Variants in L3MBTL4 observed in about 807,000 individuals in gnomAD.
L3MBTL4 encodes lethal(3)malignant brain tumor-like protein 4.
L3MBTL4 carries 70 observed loss-of-function variants against 84.5 expected under a neutral mutation model. The ratio of observed to expected loss-of-function variants is 0.83; its 90% CI spans 0.68 to 1.01. The LOEUF (loss-of-function observed/expected upper bound fraction) is 1.01. L3MBTL4 is among the 50% of genes least tolerant of loss of function. The pLI is 0.00. For synonymous variants in L3MBTL4, 274 were observed against 259.8 expected (o/e 1.05, Z -0.52); for missense variants, 715 against 754.8 (o/e 0.95, Z 0.62).
In L3MBTL4 at chr18:6,241,450, C is replaced by A; in HGVS notation, c.461-1G>T. ...CAAACAAATTTATCTTTTCTATAAC[C>A]TAAAAAAAGCACAGATTACTCAAAA... On this transcript the variant is annotated splice_acceptor_variant, in intron 7 of 18. Transcript: ENST00000317931. LOFTEE classifies it high-confidence loss of function. 6.6e-7 allele frequency: 1 copy of A among 1,524,790 alleles called. No individual in the cohort carries two copies. Among genetic ancestry groups the A allele is most frequent in the Non-Finnish European group, 9.0e-7 (1 of 1,109,822 alleles). 94.5% of individuals were successfully genotyped at this position (1,524,790 alleles called of 1,614,324 possible).
chr18:6,231,614 A>C (rs563492655), intron 10 of L3MBTL4, among the ~76,000 whole-genome samples: 12 of 152,224 alleles, frequency 7.9e-5, no homozygotes, highest in African/African-American at 2.9e-4. Context: ...CAGTGTACAA[A>C]TCTTTTACTT....
At chr18:6,151,402 T>C (rs1246118900) in intron 13 of L3MBTL4, among the ~76,000 whole-genome samples, 3 of 152,106 alleles carry the variant, frequency 2.0e-5, no homozygotes, top group Non-Finnish European at 2.9e-5. Flanking sequence ...TTCATATATA[T>C]ATATTTGAGA....
intron 1 of L3MBTL4, among the ~76,000 whole-genome samples, chr18:6,336,359 C>A (rs2052337775): frequency 1.3e-5 from 2 of 151,998 alleles, no homozygotes; most frequent in African/African-American, 2.4e-5. Flanking sequence ...TCTTCGGAGG[C>A]CAGAGGATCG....
At chr18:6,164,348 G>A (rs199792592) in intron 13 of L3MBTL4, among the ~76,000 whole-genome samples, 26 of 152,232 alleles carry the variant, frequency 1.7e-4, no homozygotes, top group Admixed American at 4.6e-4. Context: ...CTCCCAGCAC[G>A]CAGCTTGAGA....
At chr18:6,186,901 A>C (rs1305707039) in intron 12 of L3MBTL4, among the ~76,000 whole-genome samples, 1 of 152,158 alleles carries the variant, frequency 6.6e-6, no homozygotes, top group African/African-American at 2.4e-5. Context: ...CAAGCAATCG[A>C]GAGGGCTACA....
rs570252370 is a variant in L3MBTL4 at position 6,106,920 on chromosome 18, C to A, written c.1200-13392G>T. 2.6e-5 allele frequency among the ~76,000 whole-genome samples: 4 copies of A among 152,286 alleles called. No homozygotes were observed. The East Asian group carries it at 7.7e-4, about 29-fold the overall frequency. ...TGCCCCAAATATGGCAAGGGTCCCACCTCAAGGGGCTTTGACCTGGGGACT... is the reference window on the plus strand; with the variant it reads ...TGCCCCAAATATGGCAAGGGTCCCAACTCAAGGGGCTTTGACCTGGGGACT... On this transcript the variant is annotated intron_variant, in intron 14 of 18. Coordinates refer to ENST00000317931, the MANE Select transcript of L3MBTL4 (RefSeq NM_001330559.2).
Position 6,088,830 on chromosome 18 carries a change from TA to T in L3MBTL4, c.1373+4524del, listed in dbSNP as rs555174078. Among the ~76,000 whole-genome samples the T allele has an allele frequency of 9.8e-5, 15 of 152,290 alleles. No homozygotes were observed. In the East Asian group the frequency reaches 2.7e-3, roughly 27 times the overall value. On this transcript the variant is annotated intron_variant, in intron 15 of 18. Coordinates refer to ENST00000317931, the MANE Select transcript of L3MBTL4 (RefSeq NM_001330559.2). ...TTTATCACCAAGATCATTAAGGAACTATTCCACTACATGCCATCCTTTCTGA... is the reference window on the plus strand; with the variant it reads ...TTTATCACCAAGATCATTAAGGAACTTTCCACTACATGCCATCCTTTCTGA...
intron 1 of L3MBTL4, among the ~76,000 whole-genome samples, chr18:6,390,709 C>T (rs928791715): frequency 6.6e-6 from 1 of 152,070 alleles, no homozygotes; most frequent in Non-Finnish European, 1.5e-5. Flanking sequence ...CCTCTATGCA[C>T]ACAAACTAGA....
intron 13 of L3MBTL4, among the ~76,000 whole-genome samples, chr18:6,167,501 T>C (rs2043734323): frequency 6.6e-6 from 1 of 152,214 alleles, no homozygotes; most frequent in South Asian, 2.1e-4. Context: ...GCTTCATCCC[T>C]GGGATGCAAG....
chr18:6,035,227 C>G (rs1167708028), intron 16 of L3MBTL4, among the ~76,000 whole-genome samples: 1 of 151,296 alleles, frequency 6.6e-6, no homozygotes, highest in Non-Finnish European at 1.5e-5. Flanking sequence ...CTTGCCCATG[C>G]CTATGTCCTG....
chr18:6,329,876 C>T lies in L3MBTL4; in HGVS notation c.-90-17820G>A, dbSNP rs140681796. On this transcript the variant is annotated intron_variant, in intron 1 of 18. Transcript: ENST00000317931. ...TGCCATATTAGGGATTAAGTTTCGACAGGAGTTTTGGAGGGGACAAACATT... is the reference window on the plus strand; with the variant it reads ...TGCCATATTAGGGATTAAGTTTCGATAGGAGTTTTGGAGGGGACAAACATT... 2.6e-3 allele frequency among the ~76,000 whole-genome samples: 392 copies of T among 152,302 alleles called. 1 individual carries two copies. Among genetic ancestry groups the T allele is most frequent in the Non-Finnish European group, 2.7e-3 (183 of 68,036 alleles).
At chr18:6,191,214 A>C (rs2045067222) in intron 12 of L3MBTL4, among the ~76,000 whole-genome samples, 1 of 152,166 alleles carries the variant, frequency 6.6e-6, no homozygotes, top group Non-Finnish European at 1.5e-5. Context: ...CTGGAGTGGA[A>C]GCTAGAAGAG....
chr18:6,064,619 C>T (rs2057342955), intron 16 of L3MBTL4, among the ~76,000 whole-genome samples: 1 of 142,908 alleles, frequency 7.0e-6, no homozygotes, highest in South Asian at 2.2e-4. Flanking sequence ...TTTTCAGCAG[C>T]AGTTGAAAAG....
chr18:6,256,051 A>G (rs919531156), intron 5 of L3MBTL4, among the ~76,000 whole-genome samples: 7 of 152,240 alleles, frequency 4.6e-5, no homozygotes, highest in Non-Finnish European at 8.8e-5. Context: ...AACACTTGGT[A>G]TCTGACTAAA....
In L3MBTL4 at chr18:6,138,982, G is replaced by C. The variant is rs561396759; in HGVS notation, c.1097-686C>G. ...TGAAGCCTCCACTCAACCACAGCAA[G>C]GATCTTAGAATACTGGACAGAAACT... On this transcript the variant is annotated intron_variant, in intron 13 of 18. Transcript: ENST00000317931. Among the ~76,000 whole-genome samples the C allele has an allele frequency of 1.1e-3, 160 of 152,288 alleles. 1 individual carries two copies. In the South Asian group the frequency reaches 0.012, roughly 12 times the overall value.
At chr18:6,364,916 C>T (rs1173082090) in intron 1 of L3MBTL4, among the ~76,000 whole-genome samples, 1 of 151,480 alleles carries the variant, frequency 6.6e-6, no homozygotes, top group East Asian at 1.9e-4. Context: ...ACTTCCATAC[C>T]AATAGAAAAA....
At chr18:6,267,747 C>A (rs754391693) in intron 4 of L3MBTL4, among the ~76,000 whole-genome samples, 19 of 152,154 alleles carry the variant, frequency 1.2e-4, no homozygotes, top group Non-Finnish European at 1.9e-4. Flanking sequence ...TACCAAAGAA[C>A]CTTTTAAAAT....
At chr18:5,994,938 T>C (rs1056074041) in intron 16 of L3MBTL4, among the ~76,000 whole-genome samples, 28 of 152,378 alleles carry the variant, frequency 1.8e-4, no homozygotes, top group Non-Finnish European at 3.4e-4. Context: ...TCAGGGTGTT[T>C]TATCCCCTCT....
At chr18:6,311,450 G>T in intron 3 of L3MBTL4, 104 bp downstream of exon 3, 1 of 876,866 alleles carries the variant, frequency 1.1e-6, no homozygotes, top group South Asian at 1.5e-5. Flanking sequence ...CGTTTCAAGT[G>T]ACTGAAAAGC....
Sources: gnomAD v4.1 joint callset for allele counts (sites outside exome capture counted in the v4.1 genomes callset) on GRCh38, gnomAD v4.1.1 for gene constraint, MANE v1.5 for transcripts, NCBI Gene and HGNC (gene_info 2026-07-23, HGNC 2026-07-21) for gene names.